Variants in TNFSF13B observed in about 807,000 individuals in gnomAD.
TNFSF13B encodes the protein tumor necrosis factor ligand superfamily member 13B.
A neutral mutation model predicts 29.1 loss-of-function variants in TNFSF13B; 8 were observed. The observed-to-expected ratio is 0.27, with a 90% CI of 0.16 to 0.50. TNFSF13B has a LOEUF of 0.50. Ranked by LOEUF, TNFSF13B falls within the 20% of genes least tolerant of loss-of-function variation. The pLI, the probability that TNFSF13B is intolerant of heterozygous loss-of-function variation, is 0.98. For missense variants in TNFSF13B, 248 were observed against 334.9 expected, an observed-to-expected ratio of 0.74 and a Z score of 2.03; for synonymous variants, 125 against 130.8, an observed-to-expected ratio of 0.96 and a Z score of 0.30.
At chr13:108,283,639 A>C (rs566797491) in intron 2 of TNFSF13B, among the ~76,000 whole-genome samples, 1 of 152,308 alleles carries the variant, frequency 6.6e-6, no homozygotes, top group South Asian at 2.1e-4. Context: ...GCCTTAGTTC[A>C]TTCAAGGCTG....
chr13:108,289,318 G>C (rs920868403), intron 3 of TNFSF13B, among the ~76,000 whole-genome samples: 1 of 151,966 alleles, frequency 6.6e-6, no homozygotes, highest in Admixed American at 6.6e-5. Flanking sequence ...TGGGATGCTT[G>C]CTTGCAGTGC....
chr13:108,280,475 G>T (rs564901498), intron 2 of TNFSF13B, among the ~76,000 whole-genome samples: 1 of 152,120 alleles, frequency 6.6e-6, no homozygotes, highest in South Asian at 2.1e-4. Flanking sequence ...TCTATTTTTG[G>T]CTTTATCTTC....
chr13:108,302,928 C>A, intron 3 of TNFSF13B: 1 of 831,612 alleles, frequency 1.2e-6, no homozygotes, highest in Non-Finnish European at 1.5e-6. Context: ...CCACTCTTTG[C>A]TTCAAACTCT....
chr13:108,302,230 G>T (rs1005880837), intron 3 of TNFSF13B, among the ~76,000 whole-genome samples: 2 of 152,068 alleles, frequency 1.3e-5, no homozygotes, highest in African/African-American at 4.8e-5. Flanking sequence ...TTGGAGACAG[G>T]TATGGTTCAC....
At chr13:108,295,502 C>A (rs2139063156) in intron 3 of TNFSF13B, among the ~76,000 whole-genome samples, 1 of 145,184 alleles carries the variant, frequency 6.9e-6, no homozygotes, top group South Asian at 2.1e-4. Context: ...TTTTTGTACT[C>A]TTTATTCCAT....
chr13:108,271,604 C>A lies in TNFSF13B; in HGVS notation c.424+1180C>A, dbSNP rs188879502. 3.9e-3 allele frequency among the ~76,000 whole-genome samples: 601 copies of A among 152,214 alleles called. 1 individual carries two copies. Among genetic ancestry groups the A allele is most frequent in the Non-Finnish European group, 6.8e-3 (464 of 68,008 alleles). On this transcript the variant is annotated intron_variant, in intron 2 of 5. Coordinates refer to ENST00000375887, the MANE Select transcript of TNFSF13B (RefSeq NM_006573.5). ...GGTATCTGGTTATTGTATCTTTATA[C>A]TAGTTATCAGGAATAACTGGGCTTA...
intron 2 of TNFSF13B, among the ~76,000 whole-genome samples, chr13:108,279,679 T>A (rs1169670425): frequency 1.3e-5 from 2 of 152,112 alleles, no homozygotes; most frequent in African/African-American, 2.4e-5. Flanking sequence ...GAAAGATAAT[T>A]CAGGAGGAAA....
Position 108,285,429 on chromosome 13 carries a change from G to A in TNFSF13B, c.425-1374G>A, listed in dbSNP as rs553872970. Among the ~76,000 whole-genome samples the A allele has an allele frequency of 5.3e-5, 8 of 152,284 alleles. No homozygotes were observed. The South Asian group carries it at 1.2e-3, about 24-fold the overall frequency. ...GAGCATACTTACACAAACCTAGGTG[G>A]TGTAGCCTTCTACACAACTAGGCTC... On this transcript the variant is annotated intron_variant, in intron 2 of 5. Coordinates refer to ENST00000375887, the MANE Select transcript of TNFSF13B (RefSeq NM_006573.5).
In TNFSF13B at chr13:108,286,822, A is replaced by G. The variant is rs1297380829; in HGVS notation, c.444A>G (p.Gln148=). Reference sequence around the variant, plus strand: ...TTTTAGTCACTCAAGACTGCTTGCAACTGATTGCAGACAGTGAAACACCAA... The same window carrying G: ...TTTTAGTCACTCAAGACTGCTTGCAGCTGATTGCAGACAGTGAAACACCAA... ...PEETVTQDCL[Q]LIADSETPTI... The change falls in exon 3 of 6, where the codon CAA becomes CAG. Residue 148 remains glutamine, a synonymous_variant. Coordinates refer to ENST00000375887, the MANE Select transcript of TNFSF13B (RefSeq NM_006573.5). 3 of 1,573,314 alleles carry G rather than the reference A, an allele frequency of 1.9e-6. No individual in the cohort carries two copies. The highest frequency in any genetic ancestry group is 1.7e-6 in the Non-Finnish European group (2 of 1,154,928).
chr13:108,291,458 C>T (rs1468254127), intron 3 of TNFSF13B, among the ~76,000 whole-genome samples: 1 of 151,670 alleles, frequency 6.6e-6, no homozygotes, highest in Admixed American at 6.6e-5. Flanking sequence ...TTATTAATAT[C>T]ATTACAAAGT....
chr13:108,291,326 C>T (rs1394055957), intron 3 of TNFSF13B, among the ~76,000 whole-genome samples: 1 of 151,344 alleles, frequency 6.6e-6, no homozygotes, highest in Non-Finnish European at 1.5e-5. Context: ...AGAAAAATAC[C>T]CTCATGATAA....
chr13:108,270,493 G>C, intron 2 of TNFSF13B, 69 bp downstream of exon 2: 1 of 1,422,366 alleles, frequency 7.0e-7, no homozygotes, highest in East Asian at 2.3e-5. Context: ...GGGGGAGCTG[G>C]AGGTGAGTAT....
chr13:108,297,469 G>A lies in TNFSF13B; in HGVS notation c.482-5784G>A, dbSNP rs902119909. On this transcript the variant is annotated intron_variant, in intron 3 of 5. Coordinates refer to ENST00000375887, the MANE Select transcript of TNFSF13B (RefSeq NM_006573.5). The stretch of plus-strand genomic sequence containing the variant: ...TGGAGTTTACTGAATTTTCTTAGAT[G>A]TGTACATTCATGACTTTCTTCAGCG... Among the ~76,000 whole-genome samples, 20 of 145,170 alleles carry A rather than the reference G, an allele frequency of 1.4e-4. 2 individuals carry two copies. Among genetic ancestry groups the A allele is most frequent in the African/African-American group, 4.9e-4 (19 of 38,618 alleles).
At position 108,294,460 on chromosome 13, in the gene TNFSF13B, G is replaced by A. The variant is rs762321376; in HGVS notation, c.481+7601G>A. On this transcript the variant is annotated intron_variant, in intron 3 of 5. Transcript: ENST00000375887. Reference sequence around the variant, plus strand: ...CTCCCAAAGTGTTAGTATTACAGGCGTGAGCCACCATGCCTGGCTGGAAAT... The same window carrying A: ...CTCCCAAAGTGTTAGTATTACAGGCATGAGCCACCATGCCTGGCTGGAAAT... 7.2e-5 allele frequency among the ~76,000 whole-genome samples: 11 copies of A among 152,104 alleles called. No homozygotes were observed. The East Asian group carries it at 7.7e-4, about 11-fold the overall frequency.
chr13:108,299,622 A>G (rs1488763812), intron 3 of TNFSF13B, among the ~76,000 whole-genome samples: 1 of 152,140 alleles, frequency 6.6e-6, no homozygotes, highest in African/African-American at 2.4e-5. Flanking sequence ...GTTAAACATT[A>G]AAAGTCAAAA....
At chr13:108,300,514 G>A (rs1312028481) in intron 3 of TNFSF13B, among the ~76,000 whole-genome samples, 1 of 152,120 alleles carries the variant, frequency 6.6e-6, no homozygotes, top group Non-Finnish European at 1.5e-5. Flanking sequence ...GACAGTAACT[G>A]TATTAACTCT....
chr13:108,289,008 T>G (rs1289045146), intron 3 of TNFSF13B, among the ~76,000 whole-genome samples: 3 of 152,158 alleles, frequency 2.0e-5, no homozygotes, highest in Non-Finnish European at 4.4e-5. Flanking sequence ...TGTAAATCTA[T>G]TATTTATTGT....
chr13:108,270,517 C>A, intron 2 of TNFSF13B, 93 bp downstream of exon 2: 2 of 1,186,326 alleles, frequency 1.7e-6, no homozygotes, highest in Non-Finnish European at 2.4e-6. Flanking sequence ...CTCTATGAAC[C>A]TATTAAATAG....
chr13:108,300,343 C>T (rs991953524), intron 3 of TNFSF13B, among the ~76,000 whole-genome samples: 28 of 152,294 alleles, frequency 1.8e-4, no homozygotes, highest in African/African-American at 5.8e-4. Flanking sequence ...GGGAAAATGA[C>T]AGGGAACCAA....
Sources: gnomAD v4.1 joint callset for allele counts (sites outside exome capture counted in the v4.1 genomes callset) on GRCh38, gnomAD v4.1.1 for gene constraint, MANE v1.5 for transcripts, NCBI Gene and HGNC (gene_info 2026-07-23, HGNC 2026-07-21) for gene names.